DLG2: variants seen among roughly 807,000 people sequenced by gnomAD.
DLG2 encodes the protein disks large homolog 2.
In DLG2, 45 loss-of-function variants were observed where a neutral mutation model predicts 132.5. That is an observed-to-expected ratio of 0.34 (90% CI 0.27 to 0.44). The LOEUF (loss-of-function observed/expected upper bound fraction) is 0.44, where lower values mean the gene tolerates loss of function less well. Among genes scored for constraint, DLG2 ranks in the 20% least tolerant of loss-of-function variants. The pLI is 1.00. For synonymous variants in DLG2, 424 were observed against 419.6 expected (o/e 1.01, Z -0.13); for missense variants, 1,045 against 1,196.9 (o/e 0.87, Z 1.87).
intron 6 of DLG2, among the ~76,000 whole-genome samples, chr11:84,543,799 T>G (rs959369121): frequency 6.6e-6 from 1 of 152,186 alleles, no homozygotes; most frequent in African/African-American, 2.4e-5. Flanking sequence ...CTCTCCCAGG[T>G]GCTCCATTTG....
intron 6 of DLG2, among the ~76,000 whole-genome samples, chr11:84,559,026 T>C (rs2154525779): frequency 6.6e-6 from 1 of 152,282 alleles, no homozygotes; most frequent in Non-Finnish European, 1.5e-5. Flanking sequence ...CAGAGAGTCA[T>C]GACAGATTTT....
intron 19 of DLG2, among the ~76,000 whole-genome samples, chr11:83,622,234 T>A (rs1034055066): frequency 6.6e-6 from 1 of 152,214 alleles, no homozygotes; most frequent in Non-Finnish European, 1.5e-5. Context: ...GGCTTTGCTA[T>A]TAATTTGTGA....
At chr11:84,875,961 T>A (rs1943722) in intron 6 of DLG2, among the ~76,000 whole-genome samples, 1 of 152,160 alleles carries the variant, frequency 6.6e-6, no homozygotes, top group African/African-American at 2.4e-5. Context: ...TGGTCTCGAA[T>A]GCCTGACCTC....
At position 84,154,696 on chromosome 11, in the gene DLG2, T is replaced by C. The variant is rs191667400; in HGVS notation, c.624+8765A>G. ...CTGGTGTGTGATGTTCCCCTTCCTG[T>C]GTCCATGTTTTCTCATTGTTCAATT... On this transcript the variant is annotated intron_variant, in intron 9 of 27. Coordinates refer to ENST00000376104, the MANE Select transcript of DLG2 (RefSeq NM_001142699.3). Among the ~76,000 whole-genome samples, 588 of 152,172 alleles carry C rather than the reference T, an allele frequency of 3.9e-3. 2 individuals are homozygous for C. The highest frequency in any genetic ancestry group is 0.013 in the African/African-American group (555 of 41,532).
At chr11:85,091,678 T>C (rs1048783532) in intron 6 of DLG2, among the ~76,000 whole-genome samples, 8 of 152,188 alleles carry the variant, frequency 5.3e-5, no homozygotes, top group Non-Finnish European at 1.0e-4. Flanking sequence ...TAGAAGTAAA[T>C]TTTGTCTCAA....
chr11:84,882,156 C>T (rs17147690), intron 6 of DLG2, among the ~76,000 whole-genome samples: 12,212 of 151,856 alleles, frequency 0.08, 1,053 homozygotes, highest in African/African-American at 0.22. Context: ...GACAGTACAC[C>T]TTCTTTAAGG....
intron 7 of DLG2, among the ~76,000 whole-genome samples, chr11:84,384,207 A>G (rs879919351): frequency 6.6e-6 from 1 of 151,672 alleles, no homozygotes; most frequent in Non-Finnish European, 1.5e-5. Flanking sequence ...GAGCTATTTC[A>G]ACGTTAATAA....
intron 3 of DLG2, among the ~76,000 whole-genome samples, chr11:85,458,578 G>A (rs574576328): frequency 6.6e-6 from 1 of 152,320 alleles, no homozygotes; most frequent in African/African-American, 2.4e-5. Flanking sequence ...CTGACGTGTA[G>A]TTTCAGTACA....
At chr11:85,052,335 G>C (rs1010030584) in intron 6 of DLG2, among the ~76,000 whole-genome samples, 1 of 152,156 alleles carries the variant, frequency 6.6e-6, no homozygotes, top group African/African-American at 2.4e-5. Context: ...TACTCACGAA[G>C]TGGTTGTCTT....
chr11:83,633,111 G>T (rs765874725), intron 19 of DLG2, 100 bp downstream of exon 19: 2 of 1,035,234 alleles, frequency 1.9e-6, no homozygotes, highest in Admixed American at 3.7e-5. Flanking sequence ...ATGAAAGTGG[G>T]TTAAGTGGGA....
chr11:85,494,847 T>A (rs1402826737), intron 3 of DLG2, among the ~76,000 whole-genome samples: 1 of 150,882 alleles, frequency 6.6e-6, no homozygotes, highest in Non-Finnish European at 1.5e-5. Context: ...AATATTTTTT[T>A]AAAAGAAAAC....
intron 12 of DLG2, among the ~76,000 whole-genome samples, chr11:83,975,617 A>G (rs1221473773): frequency 6.6e-6 from 1 of 151,978 alleles, no homozygotes; most frequent in East Asian, 1.9e-4. Flanking sequence ...TAGGAAATAA[A>G]ACTGTAAGGA....
At chr11:85,349,449 A>C (rs1423396308) in intron 3 of DLG2, among the ~76,000 whole-genome samples, 1 of 152,078 alleles carries the variant, frequency 6.6e-6, no homozygotes, top group African/African-American at 2.4e-5. Context: ...TCTAGGGTAC[A>C]TGTGCACAAT....
intron 6 of DLG2, among the ~76,000 whole-genome samples, chr11:84,549,470 G>GA (rs888342118): frequency 1.3e-5 from 2 of 152,146 alleles, no homozygotes; most frequent in African/African-American, 2.4e-5. Flanking sequence ...CTGGTGCCCA[G>GA]AAAAGAGGAA....
At chr11:85,391,691 T>C (rs936911611) in intron 3 of DLG2, among the ~76,000 whole-genome samples, 1 of 152,080 alleles carries the variant, frequency 6.6e-6, no homozygotes, top group African/African-American at 2.4e-5. Context: ...AAAAATCAGA[T>C]GATCATCTTA....
At chr11:84,402,887 A>AAAAAAAAAAAAAAAAAAAAAAAAAAAAAC in intron 7 of DLG2, among the ~76,000 whole-genome samples, 1 of 150,404 alleles carries the variant, frequency 6.6e-6, no homozygotes, top group African/African-American at 2.5e-5. Flanking sequence ...GTCTCAAAAA[A>AAAAAAAAAAAAAAAAAAAAAAAAAAAAAC]AAAAAAAAAA....
chr11:84,549,312 G>A (rs775600574), intron 6 of DLG2, among the ~76,000 whole-genome samples: 4 of 152,118 alleles, frequency 2.6e-5, no homozygotes, highest in Non-Finnish European at 2.9e-5. Context: ...AATTTTCCAG[G>A]GATAACTGCC....
At chr11:84,294,886 T>A (rs558845122) in intron 7 of DLG2, among the ~76,000 whole-genome samples, 4 of 152,274 alleles carry the variant, frequency 2.6e-5, no homozygotes, top group Middle Eastern at 3.4e-3. Context: ...TTGACACATT[T>A]ACCCCAATAA....
At chr11:85,619,057 G>A (rs1485961638) in intron 2 of DLG2, among the ~76,000 whole-genome samples, 2 of 152,172 alleles carry the variant, frequency 1.3e-5, no homozygotes, top group East Asian at 1.9e-4. Flanking sequence ...CTAATCAGTA[G>A]TTAAACACAA....
Sources: gnomAD v4.1 joint callset for allele counts (sites outside exome capture counted in the v4.1 genomes callset) on GRCh38, gnomAD v4.1.1 for gene constraint, MANE v1.5 for transcripts, NCBI Gene and HGNC (gene_info 2026-07-23, HGNC 2026-07-21) for gene names.